Variants in SLC38A6 observed in about 807,000 individuals in gnomAD.
SLC38A6 encodes the protein N system amino acid transporter NAT-1.
Under a neutral mutation model 65.0 loss-of-function variants are expected in SLC38A6, and 73 were observed. That is an observed-to-expected ratio of 1.12 (90% CI 0.93 to 1.37). The LOEUF (loss-of-function observed/expected upper bound fraction) is 1.37, where lower values mean the gene tolerates loss of function less well. Ranked by LOEUF, SLC38A6 falls within the 40% of genes most tolerant of loss-of-function variation. The pLI is 0.00. For synonymous variants in SLC38A6, 183 were observed against 178.8 expected (o/e 1.02, Z -0.19); for missense variants, 561 against 531.1 (o/e 1.06, Z -0.55).
chr14:61,066,888 G>A (rs2043035961), intron 15 of SLC38A6, among the ~76,000 whole-genome samples: 1 of 151,938 alleles, frequency 6.6e-6, no homozygotes, highest in Non-Finnish European at 1.5e-5. Context: ...CACAACACAA[G>A]CAAAAGGGCT....
In SLC38A6 at chr14:61,077,459, G is replaced by A. The variant is rs7150441; in HGVS notation, c.1291-1351G>A. 7.7e-3 allele frequency among the ~76,000 whole-genome samples: 1,168 copies of A among 152,148 alleles called. 16 individuals carry two copies. The highest frequency in any genetic ancestry group is 0.026 in the African/African-American group (1,099 of 41,520). ...TAAATAAGTTCTGGTTTACAAATTT[G>A]CAAAATTTTTGTCAACACTTCAGAA... On this transcript the variant is annotated intron_variant, in intron 15 of 16. Transcript: ENST00000354886.
In SLC38A6 at chr14:61,008,487, G is replaced by A. The variant is rs78150464; in HGVS notation, c.311-7417G>A. On this transcript the variant is annotated intron_variant, in intron 3 of 15. Coordinates refer to ENST00000267488, the MANE Select transcript of SLC38A6 (RefSeq NM_153811.3). ...ATTGGAACTAGCTTTGAGAAATGAT[G>A]AGCCATATCTTTAACTCAATAAAAG... is the stretch of plus-strand genomic sequence containing the variant. Among the ~76,000 whole-genome samples, 1,087 of 152,212 alleles carry A rather than the reference G, an allele frequency of 7.1e-3. 13 individuals are homozygous for A. Among genetic ancestry groups the A allele is most frequent in the African/African-American group, 0.025 (1,037 of 41,556 alleles).
In SLC38A6 at chr14:61,043,423, C is replaced by G. The variant is rs201429736; in HGVS notation, c.691-27C>G. The G allele has an allele frequency of 2.2e-4, 340 of 1,561,690 alleles. 2 individuals are homozygous for G. The African/African-American group carries it at 4.0e-3, about 18-fold the overall frequency. ...TGAAATTTAATGGCTGTTGGTTTCT[C>G]TTTTTCCCCTCAATGCTCTTAAACA... is the stretch of plus-strand genomic sequence containing the variant. On this transcript the variant is annotated intron_variant, in intron 9 of 15. Transcript: ENST00000267488.
chr14:61,007,702 G>T (rs868109599), intron 3 of SLC38A6, among the ~76,000 whole-genome samples: 3 of 6,800 alleles, frequency 4.4e-4, no homozygotes, highest in African/African-American at 9.7e-4. Flanking sequence ...AATGAACACC[G>T]ATATAAGTGA....
chr14:61,080,916 G>A (rs923255848), intron 16 of SLC38A6, among the ~76,000 whole-genome samples: 1 of 152,200 alleles, frequency 6.6e-6, no homozygotes, highest in African/African-American at 2.4e-5. Context: ...TTGTCAGCGC[G>A]AGGGAGGTCA....
intron 3 of SLC38A6, chr14:61,002,025 A>G (rs905296525): frequency 1.2e-4 from 18 of 152,112 alleles, no homozygotes; most frequent in Non-Finnish European, 4.4e-5. Context: ...GTTTTTATCC[A>G]TAGGTTGAAG....
chr14:60,987,252 T>C (rs2037521490), intron 3 of SLC38A6: 2 of 177,012 alleles, frequency 1.1e-5, no homozygotes, highest in African/African-American at 4.8e-5. Context: ...AACAGTTTGT[T>C]GGACTGTCAT....
chr14:60,981,394 G>T lies in SLC38A6; in HGVS notation c.105+12G>T, dbSNP rs750685149. ...CGTTGCTAAGCAACGTAAGTGGGCT[G>T]TGTTCGCTTCCCCGCGCTGACGCCC... On this transcript the variant is annotated intron_variant, in intron 1 of 15. Coordinates refer to ENST00000267488, the MANE Select transcript of SLC38A6 (RefSeq NM_153811.3). The T allele has an allele frequency of 6.3e-7, 1 of 1,580,794 alleles. No homozygotes were observed. Among genetic ancestry groups the T allele is most frequent in the East Asian group, 2.3e-5 (1 of 43,362 alleles).
intron 6 of SLC38A6, among the ~76,000 whole-genome samples, chr14:61,035,260 T>C (rs1466505695): frequency 6.6e-6 from 1 of 152,100 alleles, no homozygotes; most frequent in Admixed American, 6.6e-5. Context: ...CAAAGAAAAA[T>C]CATGCATAAC....
Position 61,052,333 on chromosome 14 carries a change from TTTC to T in SLC38A6, c.1291-13_1291-11del, listed in dbSNP as rs1186304117. 1 of 1,561,500 alleles carries T rather than the reference TTTC, an allele frequency of 6.4e-7. No homozygotes were observed. The highest frequency in any genetic ancestry group is 2.3e-5 in the East Asian group (1 of 43,364). On this transcript the variant is annotated splice_polypyrimidine_tract_variant and intron_variant, in intron 15 of 15. Transcript: ENST00000267488. ...TTTATCTTTCTTATCTTTTATCTTT[TTTC>T]TTATTTCCACAGGCATTCGTTTTGC...
chr14:61,032,924 G>T (rs2041100063), intron 6 of SLC38A6, among the ~76,000 whole-genome samples: 1 of 151,870 alleles, frequency 6.6e-6, no homozygotes, highest in Non-Finnish European at 1.5e-5. Context: ...TTATCTGCGA[G>T]CTTGGTGTAC....
chr14:61,018,305 G>A (rs1315529497), intron 4 of SLC38A6, among the ~76,000 whole-genome samples: 4 of 152,030 alleles, frequency 2.6e-5, no homozygotes, highest in East Asian at 1.9e-4. Context: ...AAATAACTTC[G>A]ACATTTTGGA....
chr14:60,994,640 A>G lies in SLC38A6; in HGVS notation c.310+9837A>G, dbSNP rs542178829. Among the ~76,000 whole-genome samples the G allele has an allele frequency of 4.7e-5, 7 of 148,394 alleles. No homozygotes were observed. In the East Asian group the frequency reaches 1.2e-3, roughly 25 times the overall value. ...AATCGCTTGAACCCCGGAGGCGGAG[A>G]CTGCAGTGAGCTGAGATCATGCCAT... On this transcript the variant is annotated intron_variant, in intron 3 of 15. Transcript: ENST00000267488.
At chr14:61,068,047 C>T (rs1461003638) in intron 15 of SLC38A6, among the ~76,000 whole-genome samples, 5 of 152,140 alleles carry the variant, frequency 3.3e-5, no homozygotes, top group African/African-American at 1.2e-4. Flanking sequence ...GTAGTGTCAT[C>T]TAACCTGCAT....
chr14:61,083,318 G>T (rs192210668), intron 16 of SLC38A6, among the ~76,000 whole-genome samples: 380 of 152,328 alleles, frequency 2.5e-3, no homozygotes, highest in Non-Finnish European at 4.5e-3. Context: ...CAGGTTCTGG[G>T]TTCTGGAAAC....
chr14:61,009,282 T>G (rs1212054674), intron 3 of SLC38A6, among the ~76,000 whole-genome samples: 2 of 152,170 alleles, frequency 1.3e-5, no homozygotes, highest in Non-Finnish European at 2.9e-5. Flanking sequence ...AGATGTCAGA[T>G]AGCTAGAGGG....
intron 3 of SLC38A6, among the ~76,000 whole-genome samples, chr14:60,996,412 G>A (rs1044028407): frequency 1.3e-5 from 2 of 152,066 alleles, no homozygotes; most frequent in Non-Finnish European, 2.9e-5. Flanking sequence ...GTTGGGTTGG[G>A]AGAGTTACAG....
At chr14:61,072,437 G>A (rs529627060) in intron 15 of SLC38A6, among the ~76,000 whole-genome samples, 1 of 152,164 alleles carries the variant, frequency 6.6e-6, no homozygotes, top group Non-Finnish European at 1.5e-5. Context: ...ATTGACTATA[G>A]TCATCCTGTT....
At chr14:61,035,119 T>C (rs1330898322) in intron 6 of SLC38A6, among the ~76,000 whole-genome samples, 1 of 152,206 alleles carries the variant, frequency 6.6e-6, no homozygotes, top group Non-Finnish European at 1.5e-5. Context: ...AAGTCCCTAT[T>C]GGTCTTTGAT....
Sources: allele counts gnomAD v4.1 joint callset (sites outside exome capture counted in the v4.1 genomes callset), GRCh38; gene constraint gnomAD v4.1.1; transcripts MANE v1.5; gene names NCBI Gene and HGNC (gene_info 2026-07-23, HGNC 2026-07-21).